The following SNTG2 variants were observed in gnomAD, a reference collection of about 807,000 sequenced individuals.
SNTG2 encodes the protein gamma-2-syntrophin.
In SNTG2, 74 loss-of-function variants were observed where a neutral mutation model predicts 70.9. That is an observed-to-expected ratio of 1.04 (90% CI 0.86 to 1.27). The LOEUF (loss-of-function observed/expected upper bound fraction) is 1.27. Among genes scored for constraint, SNTG2 ranks in the 50% most tolerant of loss-of-function variants. The pLI, the probability that SNTG2 is intolerant of heterozygous loss-of-function variation, is 0.00. For missense variants in SNTG2, 717 were observed against 690.7 expected (o/e 1.04, Z -0.43); for synonymous variants, 278 against 273.8 (o/e 1.02, Z -0.15).
At position 1,195,653 on chromosome 2, in the gene SNTG2, T is replaced by G. The variant is rs191834614; in HGVS notation, c.592-13450T>G. 2.6e-3 allele frequency among the ~76,000 whole-genome samples: 393 copies of G among 152,324 alleles called. 4 individuals carry two copies. Among genetic ancestry groups the G allele is most frequent in the African/African-American group, 9.0e-3 (374 of 41,572 alleles). On this transcript the variant is annotated intron_variant, in intron 8 of 16. Transcript: ENST00000308624. ...TGTCAGATGAATAGATTGCAAAAAT[T>G]TTCTCCCATTCTGTAGGCTGCCTGT... is the stretch of plus-strand genomic sequence containing the variant.
At chr2:1,292,539 T>C (rs147392521) in intron 14 of SNTG2, among the ~76,000 whole-genome samples, 10 of 152,316 alleles carry the variant, frequency 6.6e-5, no homozygotes, top group African/African-American at 2.4e-4. Context: ...GTTTGTTGGG[T>C]GTTTTATATC....
At chr2:1,051,687 A>G (rs1180950505) in intron 1 of SNTG2, among the ~76,000 whole-genome samples, 1 of 152,194 alleles carries the variant, frequency 6.6e-6, no homozygotes, top group African/African-American at 2.4e-5. Flanking sequence ...GTTGTGAACT[A>G]TCATTGGAGA....
chr2:1,220,564 G>C (rs1275370488), intron 9 of SNTG2, among the ~76,000 whole-genome samples: 3 of 152,238 alleles, frequency 2.0e-5, no homozygotes, highest in African/African-American at 7.2e-5. Flanking sequence ...AGCCCTGCTG[G>C]CTGCTAGCAG....
At chr2:1,327,940 T>C (rs1037298866) in intron 16 of SNTG2, among the ~76,000 whole-genome samples, 3 of 152,214 alleles carry the variant, frequency 2.0e-5, no homozygotes, top group African/African-American at 7.2e-5. Flanking sequence ...ACTTAGTTTA[T>C]GCTTCTGCAT....
At chr2:981,440 G>C (rs7605247) in intron 1 of SNTG2, among the ~76,000 whole-genome samples, 45,620 of 151,858 alleles carry the variant, frequency 0.3, 7,218 homozygotes, top group Middle Eastern at 0.4. Flanking sequence ...GCACACACAT[G>C]CACAACACAC....
chr2:1,251,092 G>A (rs751798600), intron 12 of SNTG2, among the ~76,000 whole-genome samples: 4 of 152,272 alleles, frequency 2.6e-5, no homozygotes, highest in Non-Finnish European at 4.4e-5. Context: ...AAGGGTCAGC[G>A]AGGACCCGAA....
intron 6 of SNTG2, among the ~76,000 whole-genome samples, chr2:1,162,259 G>C (rs1670363638): frequency 6.6e-6 from 1 of 152,000 alleles, no homozygotes; most frequent in African/African-American, 2.4e-5. Flanking sequence ...TCACTGAATA[G>C]ACTCACTTAC....
In SNTG2 at chr2:1,294,797, G is replaced by A. The variant is rs142336979; in HGVS notation, c.1285-13697G>A. Among the ~76,000 whole-genome samples, 12 of 152,300 alleles carry A rather than the reference G, an allele frequency of 7.9e-5. No individual in the cohort carries two copies. In the East Asian group the frequency reaches 2.1e-3, roughly 27 times the overall value. ...TAAGAAACACAAACCTAAGTCCTCA[G>A]GTATATGAGGGAAGTGAGTGTCATC... On this transcript the variant is annotated intron_variant, in intron 14 of 16. Coordinates refer to ENST00000308624, the MANE Select transcript of SNTG2 (RefSeq NM_018968.4).
intron 4 of SNTG2, among the ~76,000 whole-genome samples, chr2:1,136,639 CA>C (rs1418065648): frequency 1.3e-5 from 2 of 152,160 alleles, no homozygotes; most frequent in East Asian, 3.8e-4. Context: ...TTTCAAAGAA[CA>C]GGTTATTACT....
At chr2:1,359,845 C>T (rs974842923) in intron 16 of SNTG2, among the ~76,000 whole-genome samples, 1 of 152,080 alleles carries the variant, frequency 6.6e-6, no homozygotes, top group African/African-American at 2.4e-5. Flanking sequence ...TATTTCTTTG[C>T]ATGTTTTTTC....
intron 1 of SNTG2, among the ~76,000 whole-genome samples, chr2:1,023,781 G>A (rs973209643): frequency 5.3e-5 from 8 of 152,154 alleles, no homozygotes; most frequent in African/African-American, 7.2e-5. Flanking sequence ...CCAGAACCTC[G>A]GCAGTCTGCA....
intron 14 of SNTG2, among the ~76,000 whole-genome samples, chr2:1,286,535 A>G (rs1679772957): frequency 6.6e-6 from 1 of 152,194 alleles, no homozygotes; most frequent in South Asian, 2.1e-4. Flanking sequence ...GTCAGAGGCA[A>G]TGCTGTGTGG....
At chr2:1,213,286 A>C (rs1254672109) in intron 9 of SNTG2, among the ~76,000 whole-genome samples, 1 of 152,212 alleles carries the variant, frequency 6.6e-6, no homozygotes, top group African/African-American at 2.4e-5. Context: ...TTACTCACTT[A>C]ACATCATTGA....
At chr2:1,045,958 A>G (rs1411350301) in intron 1 of SNTG2, among the ~76,000 whole-genome samples, 1 of 152,094 alleles carries the variant, frequency 6.6e-6, no homozygotes, top group East Asian at 1.9e-4. Flanking sequence ...TAGTACTGTC[A>G]GTGGGGTGTT....
chr2:1,121,849 T>G (rs971768666), intron 4 of SNTG2, among the ~76,000 whole-genome samples: 1 of 152,000 alleles, frequency 6.6e-6, no homozygotes, highest in African/African-American at 2.4e-5. Context: ...GAAGATGAGA[T>G]TTGGGTGGGA....
intron 11 of SNTG2, among the ~76,000 whole-genome samples, chr2:1,241,465 CT>C (rs895432866): frequency 7.4e-5 from 11 of 148,582 alleles, no homozygotes; most frequent in Admixed American, 1.3e-4. Context: ...AAAGCATTTT[CT>C]TTTTTTTTTA....
At chr2:1,072,663 A>G (rs1374940719) in intron 1 of SNTG2, among the ~76,000 whole-genome samples, 1 of 152,200 alleles carries the variant, frequency 6.6e-6, no homozygotes, top group African/African-American at 2.4e-5. Flanking sequence ...GTCAGGAATC[A>G]AGGTGTAGTG....
chr2:987,625 C>T (rs1188415537), intron 1 of SNTG2, among the ~76,000 whole-genome samples: 4 of 152,052 alleles, frequency 2.6e-5, no homozygotes, highest in Admixed American at 6.5e-5. Context: ...TCTGACGCCT[C>T]GATTTCAGGA....
Position 1,307,864 on chromosome 2 carries a change from C to T in SNTG2, c.1285-630C>T, listed in dbSNP as rs1350160853. On this transcript the variant is annotated intron_variant, in intron 14 of 16. Transcript: ENST00000308624. ...GCAGAGAACCCAACCCGGGCTTCCC[C>T]TCAGAAGCGGCACGTGCTGGTCCGG... 2.6e-5 allele frequency among the ~76,000 whole-genome samples: 4 copies of T among 152,362 alleles called. No individual in the cohort carries two copies. The East Asian group carries it at 7.7e-4, about 29-fold the overall frequency.
Sources: allele counts gnomAD v4.1 joint callset (sites outside exome capture counted in the v4.1 genomes callset), GRCh38; gene constraint gnomAD v4.1.1; transcripts MANE v1.5; gene names NCBI Gene and HGNC (gene_info 2026-07-23, HGNC 2026-07-21).